Variants in BICD1 observed in about 807,000 individuals in gnomAD.
BICD1 encodes protein bicaudal D homolog 1.
In BICD1, 35 loss-of-function variants were observed where a neutral mutation model predicts 92.5. The ratio of observed to expected loss-of-function variants is 0.38; its 90% CI spans 0.29 to 0.50. BICD1 has a LOEUF of 0.50. Among genes scored for constraint, BICD1 ranks in the 20% least tolerant of loss-of-function variants. BICD1 has a pLI of 0.93. For missense variants in BICD1, 950 were observed against 1,189.8 expected, an observed-to-expected ratio of 0.80 and a Z score of 2.97; for synonymous variants, 429 against 465.1, an observed-to-expected ratio of 0.92 and a Z score of 1.00.
chr12:32,311,338 A>T (rs990622354), intron 4 of BICD1, among the ~76,000 whole-genome samples: 3 of 152,158 alleles, frequency 2.0e-5, no homozygotes, highest in Non-Finnish European at 2.9e-5. Context: ...TCTACTAAAA[A>T]AAATACAAAA....
intron 1 of BICD1, among the ~76,000 whole-genome samples, chr12:32,143,528 T>C (rs1407582526): frequency 6.6e-6 from 1 of 152,220 alleles, no homozygotes; most frequent in Admixed American, 6.5e-5. Flanking sequence ...TGTTATGGTA[T>C]AGTATCCCAT....
At chr12:32,344,881 A>C (rs977184129) in intron 8 of BICD1, among the ~76,000 whole-genome samples, 1 of 152,204 alleles carries the variant, frequency 6.6e-6, no homozygotes, top group African/African-American at 2.4e-5. Context: ...TGAAACCTGT[A>C]ATCTCTTAGG....
chr12:32,176,889 G>A (rs1048424234), intron 1 of BICD1, among the ~76,000 whole-genome samples: 3 of 151,790 alleles, frequency 2.0e-5, no homozygotes, highest in African/African-American at 7.3e-5. Context: ...TTATATACCA[G>A]TCTTTTTGTG....
chr12:32,263,698 A>C (rs1946918276), intron 2 of BICD1, among the ~76,000 whole-genome samples: 1 of 152,218 alleles, frequency 6.6e-6, no homozygotes, highest in East Asian at 1.9e-4. Context: ...TTCATTCATA[A>C]GTAAATTGAG....
intron 1 of BICD1, among the ~76,000 whole-genome samples, chr12:32,127,263 A>G (rs1272797304): frequency 1.3e-5 from 2 of 152,140 alleles, no homozygotes; most frequent in East Asian, 3.8e-4. Context: ...TTGTCTTCTG[A>G]ATATCTTATG....
In BICD1 at chr12:32,137,341, G is replaced by A. The variant is rs139146570; in HGVS notation, c.213+29797G>A. Among the ~76,000 whole-genome samples, 51 of 152,118 alleles carry A rather than the reference G, an allele frequency of 3.4e-4. No homozygotes were observed. The East Asian group carries it at 4.4e-3, about 13-fold the overall frequency. On this transcript the variant is annotated intron_variant, in intron 1 of 9. Transcript: ENST00000652176. ...TGGCCTCAAGTGATCAGCCTGCCTC[G>A]GCCTTTCAAAGTGCTGGGATTACAG...
chr12:32,138,204 A>G (rs115337958), intron 1 of BICD1, among the ~76,000 whole-genome samples: 177 of 152,336 alleles, frequency 1.2e-3, no homozygotes, highest in African/African-American at 4.2e-3. Context: ...TCATTAGCCT[A>G]TGAAGTAGAG....
chr12:32,282,202 CTTTT>C (rs56217529), intron 2 of BICD1, among the ~76,000 whole-genome samples: 1 of 94,236 alleles, frequency 1.1e-5, no homozygotes, highest in African/African-American at 4.5e-5. Context: ...AGGTCTTCTT[CTTTT>C]TTTTTTTTTT....
chr12:32,250,925 G>A (rs1376777125), intron 2 of BICD1, among the ~76,000 whole-genome samples: 6 of 152,198 alleles, frequency 3.9e-5, no homozygotes, highest in Middle Eastern at 3.4e-3. Context: ...TCGAGGCTGC[G>A]GTGAGCTGTG....
chr12:32,107,535 G>T lies in BICD1; in HGVS notation c.204G>T (p.Gln68His), dbSNP rs1592306028. Residue 68 changes from glutamine to histidine, a missense_variant, in exon 1 of 10, where the codon CAG becomes CAT. This residue lies in a region of BICD1 where 202 missense variants were observed against 205.3 expected (regional missense o/e 0.98). Coordinates refer to ENST00000652176, the MANE Select transcript of BICD1 (RefSeq NM_001714.4). ...ACAGCCTCAAACAGGAGCTGGAGCAGCTCAAAGAGGTGAGTTGCCTGTCAC... is the reference window on the plus strand; with the variant it reads ...ACAGCCTCAAACAGGAGCTGGAGCATCTCAAAGAGGTGAGTTGCCTGTCAC... ...EYDSLKQELE[Q>H]LKEAFGQSFS... 4 of 1,585,282 alleles carry T rather than the reference G, an allele frequency of 2.5e-6. No individual in the cohort carries two copies. The East Asian group carries it at 9.1e-5, about 36-fold the overall frequency.
Position 32,144,802 on chromosome 12 carries a change from T to A in BICD1, c.213+37258T>A, listed in dbSNP as rs553948304. ...CCAAACTACTCAGAATCACTTTCTC[T>A]TCCTCACTTTTCTGATACCCCCACT... is the stretch of plus-strand genomic sequence containing the variant. On this transcript the variant is annotated intron_variant, in intron 1 of 9. Transcript: ENST00000652176. 2.6e-5 allele frequency among the ~76,000 whole-genome samples: 4 copies of A among 152,374 alleles called. No individual in the cohort carries two copies. In the South Asian group the frequency reaches 8.3e-4, roughly 32 times the overall value.
intron 1 of BICD1, among the ~76,000 whole-genome samples, chr12:32,155,056 G>A (rs1365583972): frequency 1.3e-5 from 2 of 151,124 alleles, no homozygotes; most frequent in East Asian, 3.9e-4. Flanking sequence ...AGTAAGTTGT[G>A]GTTTTAAAAA....
intron 1 of BICD1, among the ~76,000 whole-genome samples, chr12:32,213,714 G>A (rs1945280252): frequency 6.6e-6 from 1 of 152,070 alleles, no homozygotes; most frequent in African/African-American, 2.4e-5. Flanking sequence ...TGTATTATAT[G>A]AGAGGGTACA....
intron 1 of BICD1, among the ~76,000 whole-genome samples, chr12:32,132,954 G>A (rs551621018): frequency 1.1e-4 from 17 of 152,258 alleles, no homozygotes; most frequent in African/African-American, 4.1e-4. Context: ...CAGGGTATAT[G>A]TTGAAAGATT....
intron 1 of BICD1, among the ~76,000 whole-genome samples, chr12:32,195,090 C>CAA (rs3043308): frequency 0.32 from 37,806 of 117,126 alleles, 6,832 homozygotes; most frequent in Non-Finnish European, 0.4. Flanking sequence ...AGAGTGAGAC[C>CAA]AAAAAAAAAA....
chr12:32,177,760 T>TTTATATATTTATAAAAATA (rs1944153971), intron 1 of BICD1, among the ~76,000 whole-genome samples: 1 of 113,634 alleles, frequency 8.8e-6, no homozygotes, highest in South Asian at 2.6e-4. Context: ...ATATAAATAT[T>TTTATATATTTATAAAAATA]TTAATATATA....
At chr12:32,200,248 G>T (rs1295990402) in intron 1 of BICD1, among the ~76,000 whole-genome samples, 1 of 152,120 alleles carries the variant, frequency 6.6e-6, no homozygotes, top group Non-Finnish European at 1.5e-5. Context: ...AAAGCTTTAG[G>T]CTGAGGACAT....
At chr12:32,350,008 T>C (rs1299245139) in intron 8 of BICD1, among the ~76,000 whole-genome samples, 1 of 152,224 alleles carries the variant, frequency 6.6e-6, no homozygotes, top group Non-Finnish European at 1.5e-5. Flanking sequence ...CTCTGAGGCA[T>C]TGTAAACGGT....
rs1193622519 is a variant in BICD1, at chr12:32,132,055, G to A, written c.213+24511G>A. On this transcript the variant is annotated intron_variant, in intron 1 of 9. Transcript: ENST00000652176. ...CCCAAGTGGTCAGAAGGAGCAAGGT[G>A]GGAAAATATTTGAGCAAGATGGGAA... 3.9e-5 allele frequency among the ~76,000 whole-genome samples: 6 copies of A among 152,134 alleles called. No homozygotes were observed. The South Asian group carries it at 1.0e-3, about 26-fold the overall frequency.
Sources: gnomAD v4.1 joint callset for allele counts (sites outside exome capture counted in the v4.1 genomes callset) on GRCh38, gnomAD v4.1.1 for gene constraint, gnomAD v4.1.1 regional missense constraint, MANE v1.5 for transcripts, NCBI Gene and HGNC (gene_info 2026-07-23, HGNC 2026-07-21) for gene names.